The following GASK1A variants were observed in gnomAD, a reference collection of about 807,000 sequenced individuals.
GASK1A encodes golgi associated kinase 1A, also known as Golgi-associated kinase 1A.
A neutral mutation model predicts 41.2 loss-of-function variants in GASK1A; 40 were observed. The ratio of observed to expected loss-of-function variants is 0.97; its 90% CI spans 0.75 to 1.27. The LOEUF (loss-of-function observed/expected upper bound fraction) is 1.27, where lower values mean the gene tolerates loss of function less well. GASK1A is among the 50% of genes most tolerant of loss of function. GASK1A has a pLI of 0.00. For synonymous variants in GASK1A, 316 were observed against 307.1 expected (o/e 1.03, Z -0.30); for missense variants, 678 against 745.1 (o/e 0.91, Z 1.05).
At chr3:43,009,491 C>G (rs1346754800) in intron 1 of GASK1A, among the ~76,000 whole-genome samples, 1 of 152,208 alleles carries the variant, frequency 6.6e-6, no homozygotes. Flanking sequence ...GAACTGGCTC[C>G]TGTGTGCTGG....
In GASK1A at chr3:43,032,565, T is replaced by C; in HGVS notation, c.302T>C (p.Val101Ala). 6.5e-7 allele frequency: 1 copy of C among 1,550,142 alleles called. No individual in the cohort carries two copies. Among genetic ancestry groups the C allele is most frequent in the South Asian group, 1.2e-5 (1 of 83,992 alleles). Residue 101 changes from valine to alanine, a missense_variant, in exon 2 of 5, where the codon GTG becomes GCG. Transcript: ENST00000430121. ...CAEEQGHRARVDRSRESPGGD... is the reference protein window; with the variant it reads ...CAEEQGHRARADRSRESPGGD... ...GAGGAGCAAGGCCATAGAGCAAGAG[T>C]GGACAGAAGCAGGGAGTCCCCAGGA...
chr3:42,985,673 T>C (rs960393213), intron 1 of GASK1A, among the ~76,000 whole-genome samples: 3 of 151,710 alleles, frequency 2.0e-5, no homozygotes, highest in Non-Finnish European at 4.4e-5. Flanking sequence ...GGGCCAAATA[T>C]TCTGCTGAAG....
Position 43,033,531 on chromosome 3 carries a change from C to T in GASK1A, c.1268C>T (p.Ala423Val), listed in dbSNP as rs931471430. The T allele has an allele frequency of 3.3e-5, 51 of 1,535,238 alleles. No individual in the cohort carries two copies. The highest frequency in any genetic ancestry group is 1.8e-4 in the Middle Eastern group (1 of 5,686). Reference protein sequence around the residue: ...GIHHTEWARLALFDFLLQVHD... With the variant: ...GIHHTEWARLVLFDFLLQVHD... ...CACCATACCGAGTGGGCACGCCTGG[C>T]GCTCTTCGACTTCCTGTTGCAGGTA... Residue 423 changes from alanine to valine, a missense_variant, in exon 2 of 5, where the codon GCG (alanine) becomes GTG (valine). Coordinates refer to ENST00000430121, the MANE Select transcript of GASK1A (RefSeq NM_001129908.3).
intron 1 of GASK1A, among the ~76,000 whole-genome samples, chr3:42,981,111 G>T (rs575451287): frequency 1.3e-5 from 2 of 152,170 alleles, no homozygotes; most frequent in African/African-American, 2.4e-5. Flanking sequence ...TAAGCTTCCC[G>T]TTCTGTGAGT....
In GASK1A at chr3:42,984,296, A is replaced by ATCTCTC. The variant is rs10628402; in HGVS notation, c.3+4663_3+4668dup. Among the ~76,000 whole-genome samples the ATCTCTC allele has an allele frequency of 3.9e-4, 59 of 149,726 alleles. 1 individual carries two copies. Among genetic ancestry groups the ATCTCTC allele is most frequent in the South Asian group, 1.3e-3 (6 of 4,698 alleles). On this transcript the variant is annotated intron_variant, in intron 1 of 4. Coordinates refer to ENST00000430121, the MANE Select transcript of GASK1A (RefSeq NM_001129908.3). This position sits in a 1 kb window ranked among gnomAD's most constrained non-coding sequence, Gnocchi z 4.2. ...CTTCTTTATGTGGATTTCACTTCCT[A>ATCTCTC]TCTCTCTCTCTCTCTCTTTCTCTCT...
At chr3:43,015,581 G>A (rs1189423193) in intron 1 of GASK1A, among the ~76,000 whole-genome samples, 1 of 148,912 alleles carries the variant, frequency 6.7e-6, no homozygotes, top group African/African-American at 2.5e-5. Context: ...GCTGTGCAAA[G>A]TCACAGGAAG....
chr3:43,025,768 C>G (rs75811869), intron 1 of GASK1A, among the ~76,000 whole-genome samples: 12 of 152,086 alleles, frequency 7.9e-5, no homozygotes, highest in Non-Finnish European at 1.6e-4. Context: ...TCACTGCATT[C>G]GGTAAGGGCA....
chr3:43,053,193 G>A (rs1157215588), intron 2 of GASK1A, among the ~76,000 whole-genome samples: 1 of 152,212 alleles, frequency 6.6e-6, no homozygotes, highest in Non-Finnish European at 1.5e-5. Context: ...AATCTCCCTA[G>A]GTAGACAGGC....
At chr3:42,982,815 T>C (rs1188969072) in intron 1 of GASK1A, among the ~76,000 whole-genome samples, 1 of 152,220 alleles carries the variant, frequency 6.6e-6, no homozygotes, top group Non-Finnish European at 1.5e-5. Context: ...CTCTTGCCTG[T>C]CTTCACTCTG....
At chr3:43,017,821 G>GCTGTGGGAAGTCACAAGAAGGGA (rs1173465340) in intron 1 of GASK1A, among the ~76,000 whole-genome samples, 5 of 151,206 alleles carry the variant, frequency 3.3e-5, no homozygotes, top group Non-Finnish European at 7.4e-5. Flanking sequence ...ACAGGAAGAG[G>GCTGTGGGAAGTCACAAGAAGGGA]CTGTGGGAAG....
intron 2 of GASK1A, among the ~76,000 whole-genome samples, chr3:43,048,613 G>C (rs539008141): frequency 2.0e-5 from 3 of 152,356 alleles, no homozygotes; most frequent in African/African-American, 4.8e-5. Flanking sequence ...GAACACTGCT[G>C]TGGGGTATCA....
chr3:43,047,801 CATG>C (rs1251480050), intron 2 of GASK1A, among the ~76,000 whole-genome samples: 1 of 152,210 alleles, frequency 6.6e-6, no homozygotes, highest in Non-Finnish European at 1.5e-5. Context: ...AAGTCCTTAT[CATG>C]ATAATATGGA....
chr3:43,016,422 A>T (rs1332802831), intron 1 of GASK1A, among the ~76,000 whole-genome samples: 1 of 151,924 alleles, frequency 6.6e-6, no homozygotes, highest in African/African-American at 2.4e-5. Context: ...AGCCACAGGA[A>T]GGAGCAGTGT....
intron 2 of GASK1A, 59 bp downstream of exon 2, chr3:43,033,612 G>T: frequency 7.0e-7 from 1 of 1,435,536 alleles, no homozygotes. Flanking sequence ...TCTGGGTGGA[G>T]AGGCCTGAAT....
intron 1 of GASK1A, among the ~76,000 whole-genome samples, chr3:43,031,249 C>T (rs919493979): frequency 6.6e-6 from 1 of 152,128 alleles, no homozygotes; most frequent in African/African-American, 2.4e-5. Flanking sequence ...CATAAAGGCT[C>T]ACAGGTACAG....
chr3:43,049,893 G>A (rs1037206472), intron 2 of GASK1A, among the ~76,000 whole-genome samples: 8 of 151,176 alleles, frequency 5.3e-5, no homozygotes, highest in Non-Finnish European at 7.4e-5. Flanking sequence ...TTTCAATAGT[G>A]TAAAAAGACT....
chr3:43,021,495 T>C (rs969574787), intron 1 of GASK1A, among the ~76,000 whole-genome samples: 3 of 152,130 alleles, frequency 2.0e-5, no homozygotes, highest in Non-Finnish European at 4.4e-5. Flanking sequence ...GACTTTACGA[T>C]GAGCCAAAAC....
At chr3:43,039,203 TG>T (rs2089621792) in intron 2 of GASK1A, among the ~76,000 whole-genome samples, 14 of 131,386 alleles carry the variant, frequency 1.1e-4, no homozygotes, top group Admixed American at 1.6e-4. Context: ...TTTTTTTTTT[TG>T]GTTTTTTTTT....
chr3:43,001,321 C>T (rs755875037), intron 1 of GASK1A, among the ~76,000 whole-genome samples: 4 of 152,166 alleles, frequency 2.6e-5, no homozygotes, highest in Admixed American at 6.5e-5. Context: ...ATATGCAGTC[C>T]GGGAAAGCGA....
Sources: gnomAD v4.1 joint callset for allele counts (sites outside exome capture counted in the v4.1 genomes callset) on GRCh38, gnomAD v4.1.1 for gene constraint, Gnocchi (gnomAD v3.1) non-coding constraint, MANE v1.5 for transcripts, NCBI Gene and HGNC (gene_info 2026-07-23, HGNC 2026-07-21) for gene names.